CTNNA3: variants seen among roughly 807,000 people sequenced by gnomAD.
The protein encoded by CTNNA3 is catenin alpha 3.
CTNNA3 carries 76 observed loss-of-function variants against 95.7 expected under a neutral mutation model. That is an observed-to-expected ratio of 0.79 (90% CI 0.66 to 0.96). The LOEUF (loss-of-function observed/expected upper bound fraction) is 0.96. Ranked by LOEUF, CTNNA3 falls within the 40% of genes least tolerant of loss-of-function variation. CTNNA3 has a pLI of 0.00. For missense variants in CTNNA3, 1,191 were observed against 1,089.8 expected (o/e 1.09, Z -1.31); for synonymous variants, 431 against 374.4 (o/e 1.15, Z -1.74).
Position 67,382,432 on chromosome 10 carries a change from ATAAAAATCAAC to A in CTNNA3, c.579+139399_579+139409del, listed in dbSNP as rs202242866. Among the ~76,000 whole-genome samples, 23 of 152,334 alleles carry A rather than the reference ATAAAAATCAAC, an allele frequency of 1.5e-4. No homozygotes were observed. In the East Asian group the frequency reaches 2.9e-3, roughly 19 times the overall value. On this transcript the variant is annotated intron_variant, in intron 5 of 17. Coordinates refer to ENST00000433211, the MANE Select transcript of CTNNA3 (RefSeq NM_013266.4). ...CATGTATAAAATAAGCAGAATTAAA[ATAAAAATCAAC>A]TAAAAATCAACTAACAAAGGTTCAT...
At chr10:66,703,607 T>C (rs976958550) in intron 9 of CTNNA3, among the ~76,000 whole-genome samples, 4 of 151,724 alleles carry the variant, frequency 2.6e-5, no homozygotes, top group African/African-American at 9.7e-5. Flanking sequence ...TCCATACCTT[T>C]TTGTTAACAT....
At chr10:67,110,469 G>A (rs917814089) in intron 7 of CTNNA3, among the ~76,000 whole-genome samples, 1 of 152,096 alleles carries the variant, frequency 6.6e-6, no homozygotes, top group Non-Finnish European at 1.5e-5. Flanking sequence ...GGAGCAGGAT[G>A]GAATGATGAT....
intron 13 of CTNNA3, among the ~76,000 whole-genome samples, chr10:66,206,435 T>A (rs911030879): frequency 1.3e-5 from 2 of 151,958 alleles, no homozygotes; most frequent in African/African-American, 4.8e-5. Flanking sequence ...ACTCATGAAA[T>A]AAATTTTCCA....
chr10:66,749,420 A>G (rs1161245225), intron 9 of CTNNA3, among the ~76,000 whole-genome samples: 1 of 152,020 alleles, frequency 6.6e-6, no homozygotes, highest in Non-Finnish European at 1.5e-5. Flanking sequence ...TACTGTCCAC[A>G]TAGCTTTGTC....
chr10:66,529,420 C>G (rs1034388788), intron 10 of CTNNA3, among the ~76,000 whole-genome samples: 1 of 150,316 alleles, frequency 6.7e-6, no homozygotes, highest in South Asian at 2.1e-4. Context: ...GCGTGAGCCA[C>G]CGAGCCCAGC....
chr10:67,686,876 A>C (rs1589565961), intron 1 of CTNNA3, among the ~76,000 whole-genome samples: 1 of 152,044 alleles, frequency 6.6e-6, no homozygotes, highest in South Asian at 2.1e-4. Context: ...CAATGCCCAG[A>C]CTTCAGGGTT....
chr10:67,085,361 C>A (rs1022598885), intron 7 of CTNNA3, among the ~76,000 whole-genome samples: 1 of 151,004 alleles, frequency 6.6e-6, no homozygotes, highest in Non-Finnish European at 1.5e-5. Context: ...AAAAAATGAA[C>A]CCTAATTTGT....
chr10:66,589,700 A>C (rs1170718770), intron 10 of CTNNA3, among the ~76,000 whole-genome samples: 2 of 152,160 alleles, frequency 1.3e-5, no homozygotes, highest in Non-Finnish European at 2.9e-5. Flanking sequence ...TAACAGAAAT[A>C]ATGGCAGCTG....
intron 7 of CTNNA3, among the ~76,000 whole-genome samples, chr10:66,865,216 G>A (rs550256174): frequency 1.0e-4 from 5 of 48,324 alleles, no homozygotes; most frequent in Non-Finnish European, 4.1e-4. Flanking sequence ...GTGTGTGCGT[G>A]TGTGTGTGTG....
chr10:66,180,851 C>G (rs971983691), intron 13 of CTNNA3, among the ~76,000 whole-genome samples: 1 of 152,104 alleles, frequency 6.6e-6, no homozygotes, highest in Admixed American at 6.6e-5. Flanking sequence ...AAACACTACT[C>G]TGCTGTGTAA....
chr10:67,244,175 T>G lies in CTNNA3; in HGVS notation c.580-24305A>C, dbSNP rs190881764. Among the ~76,000 whole-genome samples the G allele has an allele frequency of 1.7e-4, 26 of 152,362 alleles. 1 individual carries two copies. Among genetic ancestry groups the G allele is most frequent in the Admixed American group, 1.7e-3 (26 of 15,304 alleles). ...CTTCCCTGACTAGGCTAAGTAGATT[T>G]GTTTATGAACTAGTCTTCAAAGTTT... On this transcript the variant is annotated intron_variant, in intron 5 of 17. Transcript: ENST00000433211.
chr10:67,495,945 A>G (rs935222308), intron 5 of CTNNA3, among the ~76,000 whole-genome samples: 1 of 152,224 alleles, frequency 6.6e-6, no homozygotes, highest in African/African-American at 2.4e-5. Flanking sequence ...TCCAGTAGGC[A>G]CTATCTCCTA....
chr10:65,976,432 T>C (rs1195567590), intron 16 of CTNNA3, among the ~76,000 whole-genome samples: 1 of 152,114 alleles, frequency 6.6e-6, no homozygotes, highest in African/African-American at 2.4e-5. Context: ...AAGGCCACAG[T>C]AGAAAAGCCT....
chr10:66,270,167 T>C (rs971464172), intron 13 of CTNNA3, among the ~76,000 whole-genome samples: 2 of 143,136 alleles, frequency 1.4e-5, no homozygotes, highest in African/African-American at 2.6e-5. Context: ...TGAACAAATG[T>C]CCAATTTGGA....
chr10:66,893,139 G>T (rs551335416), intron 7 of CTNNA3, among the ~76,000 whole-genome samples: 1 of 152,114 alleles, frequency 6.6e-6, no homozygotes, highest in East Asian at 1.9e-4. Flanking sequence ...ATTTACATTA[G>T]AAAAGGTTTG....
chr10:66,542,192 C>A (rs1394917581), intron 10 of CTNNA3, among the ~76,000 whole-genome samples: 1 of 152,086 alleles, frequency 6.6e-6, no homozygotes, highest in Non-Finnish European at 1.5e-5. Flanking sequence ...CAATGAGATA[C>A]CATCTCACAC....
chr10:66,435,819 G>T (rs562158489), intron 11 of CTNNA3, among the ~76,000 whole-genome samples: 1 of 152,274 alleles, frequency 6.6e-6, no homozygotes, highest in Admixed American at 6.5e-5. Flanking sequence ...GGCACTTAGT[G>T]CTATAAATTT....
chr10:66,379,491 A>G, intron 11 of CTNNA3, 139 bp from the exon 12 acceptor site: 2 of 721,696 alleles, frequency 2.8e-6, no homozygotes, highest in Non-Finnish European at 4.5e-6. Flanking sequence ...AATTATAAAA[A>G]AATTGGAGAC....
chr10:67,283,072 G>A (rs1839461059), intron 5 of CTNNA3, among the ~76,000 whole-genome samples: 1 of 152,160 alleles, frequency 6.6e-6, no homozygotes, highest in Non-Finnish European at 1.5e-5. Flanking sequence ...GCACAGAGAG[G>A]ACAAGAAGAA....
Sources: gnomAD v4.1 joint callset for allele counts (sites outside exome capture counted in the v4.1 genomes callset) on GRCh38, gnomAD v4.1.1 for gene constraint, MANE v1.5 for transcripts, NCBI Gene and HGNC (gene_info 2026-07-23, HGNC 2026-07-21) for gene names.